ACACA: variants seen among roughly 807,000 people sequenced by gnomAD.
ACACA encodes the protein acetyl-CoA carboxylase 1.
In ACACA, 103 loss-of-function variants were observed where a neutral mutation model predicts 296.1. That is an observed-to-expected ratio of 0.35 (90% CI 0.30 to 0.41). The LOEUF (loss-of-function observed/expected upper bound fraction) is 0.41, where lower values mean the gene tolerates loss of function less well. ACACA is among the 10% of genes least tolerant of loss of function. The pLI is 1.00. For missense variants in ACACA, 1,554 were observed against 2,989.7 expected (o/e 0.52, Z 11.20); for synonymous variants, 953 against 1,038.6 (o/e 0.92, Z 1.58).
At chr17:37,213,947 T>C (rs2145514985) in intron 29 of ACACA, among the ~76,000 whole-genome samples, 1 of 152,232 alleles carries the variant, frequency 6.6e-6, no homozygotes, top group Non-Finnish European at 1.5e-5. Flanking sequence ...ATAAATCTTT[T>C]ATCATATAAA....
chr17:37,318,236 T>C (rs542740258), intron 3 of ACACA, among the ~76,000 whole-genome samples: 80 of 152,130 alleles, frequency 5.3e-4, no homozygotes, highest in Non-Finnish European at 8.4e-4. Context: ...CTGCACTTTC[T>C]TTTCTTTTTT....
intron 6 of ACACA, 127 bp downstream of exon 6, chr17:37,277,769 C>A: frequency 1.4e-6 from 1 of 717,116 alleles, no homozygotes; most frequent in South Asian, 1.5e-5. Context: ...TTTAGTTATC[C>A]CATACACAGG....
intron 1 of ACACA, among the ~76,000 whole-genome samples, chr17:37,383,874 A>G (rs2050412618): frequency 6.6e-6 from 1 of 152,174 alleles, no homozygotes; most frequent in Admixed American, 6.6e-5. Flanking sequence ...TTATGTATGA[A>G]CTTTTGAAAC....
At chr17:37,228,921 A>G (rs2145764519) in intron 25 of ACACA, among the ~76,000 whole-genome samples, 1 of 152,278 alleles carries the variant, frequency 6.6e-6, no homozygotes, top group African/African-American at 2.4e-5. Context: ...AGGAGGGCGG[A>G]TCACGAGGTC....
In ACACA at chr17:37,236,131, T is replaced by A. The variant is rs111546072; in HGVS notation, c.3122-1032A>T. The stretch of plus-strand genomic sequence containing the variant: ...GAACAGTGACGTTCAAACTGCATTA[T>A]CATGGTTTCCTAGAACACTGAGTAC... On this transcript the variant is annotated intron_variant, in intron 24 of 55. Transcript: ENST00000616317. Among the ~76,000 whole-genome samples the A allele has an allele frequency of 7.6e-3, 1,152 of 152,336 alleles. 17 individuals are homozygous for A. The highest frequency in any genetic ancestry group is 0.026 in the African/African-American group (1,065 of 41,562).
In ACACA at chr17:37,259,511, T is replaced by C. The variant is rs768276925; in HGVS notation, c.1349A>G (p.Lys450Arg). Residue 450 changes from lysine (K) to arginine (R), a missense_variant, in exon 12 of 56, where the codon AAA becomes AGA. Lys to Arg is a conservative substitution (Grantham distance 26). Transcript: ENST00000616317. ...HMEQCAVKLAKMVGYVSAGTV... is the reference protein window; with the variant it reads ...HMEQCAVKLARMVGYVSAGTV... ...CCCAGCACTCACATAACCCACCATT[T>C]TGGCAAGTTTCACCGCACACTCAAA... is the stretch of plus-strand genomic sequence containing the variant. The C allele has an allele frequency of 6.2e-7, 1 of 1,614,198 alleles. No individual in the cohort carries two copies. Among genetic ancestry groups the C allele is most frequent in the East Asian group, 2.2e-5 (1 of 44,876 alleles).
At chr17:37,405,755 T>C (rs765353847) in intron 1 of ACACA, among the ~76,000 whole-genome samples, 123 of 152,018 alleles carry the variant, frequency 8.1e-4, no homozygotes, top group African/African-American at 2.9e-3. Flanking sequence ...GATTTCACCA[T>C]GTTGGTCAGG....
Position 37,274,302 on chromosome 17 carries a change from G to C in ACACA, c.902-3C>G, listed in dbSNP as rs1202419014. On this transcript the variant is annotated splice_region_variant and splice_polypyrimidine_tract_variant and intron_variant, in intron 8 of 55. Coordinates refer to ENST00000616317, the MANE Select transcript of ACACA (RefSeq NM_198834.3). The stretch of plus-strand genomic sequence containing the variant: ...TTCCTGCCAGTCCACACGAAGACCT[G>C]CAACAGACAATAGCAACTTAGGGCA... 1 of 1,611,116 alleles carries C rather than the reference G, an allele frequency of 6.2e-7. No homozygotes were observed.
intron 1 of ACACA, among the ~76,000 whole-genome samples, chr17:37,373,764 A>G (rs892658882): frequency 6.6e-6 from 1 of 152,194 alleles, no homozygotes; most frequent in Non-Finnish European, 1.5e-5. Flanking sequence ...GCATCTAGGA[A>G]CTAATGTACA....
intron 25 of ACACA, among the ~76,000 whole-genome samples, chr17:37,229,583 G>A (rs914368660): frequency 6.6e-6 from 1 of 151,988 alleles, no homozygotes; most frequent in Non-Finnish European, 1.5e-5. Context: ...GATTACAGGT[G>A]TGAGCCACTG....
At chr17:37,361,323 C>T (rs1445790037) in intron 1 of ACACA, among the ~76,000 whole-genome samples, 2 of 151,684 alleles carry the variant, frequency 1.3e-5, no homozygotes, top group African/African-American at 4.8e-5. Flanking sequence ...ATGTGAGCCA[C>T]CACGCCAAGT....
At chr17:37,338,324 TCAAG>T (rs1406082816) in intron 2 of ACACA, among the ~76,000 whole-genome samples, 1 of 151,514 alleles carries the variant, frequency 6.6e-6, no homozygotes, top group Non-Finnish European at 1.5e-5. Flanking sequence ...TAAAAAAAGT[TCAAG>T]ATCAGCCTGC....
intron 3 of ACACA, among the ~76,000 whole-genome samples, chr17:37,288,628 T>C (rs902563062): frequency 4.6e-5 from 7 of 152,174 alleles, no homozygotes; most frequent in Admixed American, 4.6e-4. Context: ...CCTGGTACAT[T>C]GGTTCACACG....
chr17:37,248,645 A>G lies in ACACA; in HGVS notation c.2111T>C (p.Leu704Pro). 6.2e-7 allele frequency: 1 copy of G among 1,611,650 alleles called. No homozygotes were observed. Among genetic ancestry groups the G allele is most frequent in the Non-Finnish European group, 8.5e-7 (1 of 1,178,280 alleles). The change falls in exon 17 of 56, where the codon CTG becomes CCG. Residue 704 changes from leucine (L) to proline (P), a missense_variant. Physicochemically the swap from Leu to Pro is moderately conservative, Grantham distance 98. Transcript: ENST00000616317. The part of the protein sequence containing the change: ...RGQVLPAHTL[L>P]NTVDVELIYE... ...GATAAGTTCAACATCTACTGTATTC[A>G]GAAGTGTATGAGCAGGAAGGACTTG...
chr17:37,145,052 G>A (rs971223414), intron 45 of ACACA, among the ~76,000 whole-genome samples: 1 of 152,148 alleles, frequency 6.6e-6, no homozygotes, highest in African/African-American at 2.4e-5. Flanking sequence ...GTACACATCA[G>A]TGTTCCTTTA....
At chr17:37,296,241 G>A (rs1057496329) in intron 3 of ACACA, among the ~76,000 whole-genome samples, 7 of 150,970 alleles carry the variant, frequency 4.6e-5, no homozygotes, top group East Asian at 1.9e-4. Flanking sequence ...GGTCCTACTC[G>A]CTTGCATGAT....
At chr17:37,095,979 A>T (rs1242480869) in intron 54 of ACACA, among the ~76,000 whole-genome samples, 2 of 152,124 alleles carry the variant, frequency 1.3e-5, no homozygotes, top group Non-Finnish European at 2.9e-5. Context: ...TTACTGCTCT[A>T]GGTCACGAGC....
chr17:37,285,453 T>C (rs2082722541), intron 3 of ACACA, among the ~76,000 whole-genome samples: 1 of 152,152 alleles, frequency 6.6e-6, no homozygotes, highest in African/African-American at 2.4e-5. Flanking sequence ...CAAAATTCTT[T>C]ACAAGGCAGC....
intron 3 of ACACA, among the ~76,000 whole-genome samples, chr17:37,310,934 A>G (rs868010855): frequency 3.1e-4 from 47 of 152,152 alleles, no homozygotes; most frequent in African/African-American, 8.9e-4. Context: ...GAGATTGGTA[A>G]GAGTAGAATG....
Sources: allele counts gnomAD v4.1 joint callset (sites outside exome capture counted in the v4.1 genomes callset), GRCh38; gene constraint gnomAD v4.1.1; transcripts MANE v1.5; gene names NCBI Gene and HGNC (gene_info 2026-07-23, HGNC 2026-07-21).